The following NELL1 variants were observed in gnomAD, a reference collection of about 807,000 sequenced individuals.
The protein encoded by NELL1 is protein kinase C-binding protein NELL1.
A neutral mutation model predicts 107.4 loss-of-function variants in NELL1; 76 were observed. The ratio of observed to expected loss-of-function variants is 0.71; its 90% CI spans 0.59 to 0.86. The LOEUF (loss-of-function observed/expected upper bound fraction) is 0.86, where lower values mean the gene tolerates loss of function less well. Ranked by LOEUF, NELL1 falls within the 40% of genes least tolerant of loss-of-function variation. The probability of loss-of-function intolerance (pLI) is 0.00; values close to 1 mark genes in which losing one functional copy is unlikely to be tolerated. For missense variants in NELL1, 1,024 were observed against 1,005.5 expected, an observed-to-expected ratio of 1.02 and a Z score of -0.25; for synonymous variants, 353 against 341.2, an observed-to-expected ratio of 1.03 and a Z score of -0.38.
intron 12 of NELL1, among the ~76,000 whole-genome samples, chr11:21,019,652 A>G (rs185984368): frequency 6.3e-4 from 96 of 152,152 alleles, no homozygotes; most frequent in African/African-American, 2.3e-3. Flanking sequence ...TGAACATTCT[A>G]CAAGCACAAG....
At chr11:20,842,772 C>G (rs2134051558) in intron 3 of NELL1, among the ~76,000 whole-genome samples, 1 of 152,254 alleles carries the variant, frequency 6.6e-6, no homozygotes, top group South Asian at 2.1e-4. Flanking sequence ...TATTTGCAGA[C>G]TAGTGCCTGG....
intron 14 of NELL1, among the ~76,000 whole-genome samples, chr11:21,333,775 C>T (rs1850323552): frequency 6.6e-6 from 1 of 151,932 alleles, no homozygotes; most frequent in South Asian, 2.1e-4. Context: ...GACTGCTGTC[C>T]CTGGCTTATC....
chr11:21,494,037 G>A (rs7116826), intron 15 of NELL1, among the ~76,000 whole-genome samples: 126,019 of 151,872 alleles, frequency 0.83, 52,616 homozygotes, highest in East Asian at 0.98. Flanking sequence ...CAGTGTTTCT[G>A]TAGCTAAGCA....
At position 20,765,908 on chromosome 11, in the gene NELL1, C is replaced by T. The variant is rs148687518; in HGVS notation, c.185-17772C>T. On this transcript the variant is annotated intron_variant, in intron 2 of 19. Transcript: ENST00000357134. ...TGTTAAGTATATTCATGGTGTATAACAGCTCTCCAGAACTTTTTTATTTTG... is the reference window on the plus strand; with the variant it reads ...TGTTAAGTATATTCATGGTGTATAATAGCTCTCCAGAACTTTTTTATTTTG... 1.9e-3 allele frequency among the ~76,000 whole-genome samples: 291 copies of T among 152,332 alleles called. 1 individual carries two copies. The highest frequency in any genetic ancestry group is 6.7e-3 in the African/African-American group (280 of 41,578).
intron 12 of NELL1, among the ~76,000 whole-genome samples, chr11:21,057,843 T>A (rs1409249178): frequency 6.6e-6 from 1 of 152,078 alleles, no homozygotes; most frequent in Non-Finnish European, 1.5e-5. Context: ...ATAAATTAGT[T>A]TTATGCTAGG....
chr11:21,115,178 T>A (rs1855202652), intron 13 of NELL1, among the ~76,000 whole-genome samples: 1 of 152,020 alleles, frequency 6.6e-6, no homozygotes. Context: ...ATGGAAAATG[T>A]GTTATCTTAA....
Position 20,715,910 on chromosome 11 carries a change from T to G in NELL1, c.184+37850T>G, listed in dbSNP as rs145292516. The stretch of plus-strand genomic sequence containing the variant: ...TCTTGAGAAAGCATTGTAGGAGAAT[T>G]AGATCTGTATTGACTACACTGTCTT... On this transcript the variant is annotated intron_variant, in intron 2 of 19. Transcript: ENST00000357134. 8.8e-3 allele frequency among the ~76,000 whole-genome samples: 1,335 copies of G among 152,360 alleles called. 16 individuals carry two copies. Among genetic ancestry groups the G allele is most frequent in the African/African-American group, 0.03 (1,265 of 41,582 alleles).
intron 2 of NELL1, among the ~76,000 whole-genome samples, chr11:20,764,608 G>T (rs568551618): frequency 7.3e-6 from 1 of 137,146 alleles, no homozygotes; most frequent in East Asian, 2.1e-4. Flanking sequence ...CTACACCCCA[G>T]ACCTTTTTTT....
At chr11:21,070,034 A>G (rs1285169360) in intron 12 of NELL1, among the ~76,000 whole-genome samples, 1 of 152,178 alleles carries the variant, frequency 6.6e-6, no homozygotes, top group Non-Finnish European at 1.5e-5. Context: ...GTGATAACGT[A>G]TATTGGAGGG....
At chr11:21,088,674 G>T (rs1466992135) in intron 12 of NELL1, among the ~76,000 whole-genome samples, 1 of 152,082 alleles carries the variant, frequency 6.6e-6, no homozygotes, top group African/African-American at 2.4e-5. Flanking sequence ...GAAAGTATTA[G>T]TTTCTTACCA....
intron 15 of NELL1, among the ~76,000 whole-genome samples, chr11:21,526,012 C>T (rs1855844666): frequency 6.6e-6 from 1 of 152,196 alleles, no homozygotes; most frequent in Non-Finnish European, 1.5e-5. Flanking sequence ...TAACTCATTT[C>T]AGCATTAACT....
chr11:21,339,105 A>G (rs1850504328), intron 14 of NELL1, among the ~76,000 whole-genome samples: 1 of 152,204 alleles, frequency 6.6e-6, no homozygotes, highest in Non-Finnish European at 1.5e-5. Context: ...CCTCAAAAAT[A>G]TTGTCAAAGT....
At chr11:21,006,042 G>C (rs1468717160) in intron 12 of NELL1, among the ~76,000 whole-genome samples, 1 of 151,842 alleles carries the variant, frequency 6.6e-6, no homozygotes, top group Non-Finnish European at 1.5e-5. Flanking sequence ...AGATTTGGGG[G>C]GGGGAGTGGG....
chr11:20,820,634 G>A (rs1011033823), intron 3 of NELL1, among the ~76,000 whole-genome samples: 1 of 152,078 alleles, frequency 6.6e-6, no homozygotes, highest in African/African-American at 2.4e-5. Context: ...ACTGAGCTCA[G>A]CCACAGTGGC....
chr11:21,211,193 A>T (rs1857489357), intron 13 of NELL1, among the ~76,000 whole-genome samples: 1 of 152,200 alleles, frequency 6.6e-6, no homozygotes, highest in Non-Finnish European at 1.5e-5. Context: ...TTACAGGGGA[A>T]ATTGCCTCAC....
chr11:21,344,449 C>G (rs1026327968), intron 14 of NELL1, among the ~76,000 whole-genome samples: 1 of 152,086 alleles, frequency 6.6e-6, no homozygotes, highest in Admixed American at 6.6e-5. Context: ...TAAACCCAGA[C>G]AGCAAACTCA....
chr11:20,733,422 A>G (rs7116390), intron 2 of NELL1, among the ~76,000 whole-genome samples: 18,316 of 152,248 alleles, frequency 0.12, 1,191 homozygotes, highest in Non-Finnish European at 0.15. Flanking sequence ...GTCTGAGCTC[A>G]AGCTGGACCA....
At chr11:21,564,750 T>C (rs34924131) in intron 17 of NELL1, among the ~76,000 whole-genome samples, 1 of 151,838 alleles carries the variant, frequency 6.6e-6, no homozygotes, top group Non-Finnish European at 1.5e-5. Flanking sequence ...GTATTTATGG[T>C]ATAACAGTAT....
intron 14 of NELL1, among the ~76,000 whole-genome samples, chr11:21,231,559 A>G (rs1360330437): frequency 1.3e-5 from 2 of 152,216 alleles, no homozygotes; most frequent in East Asian, 3.9e-4. Context: ...GGAGCAACAT[A>G]GGGATTTTAA....
Sources: gnomAD v4.1 joint callset for allele counts (sites outside exome capture counted in the v4.1 genomes callset) on GRCh38, gnomAD v4.1.1 for gene constraint, MANE v1.5 for transcripts, NCBI Gene and HGNC (gene_info 2026-07-23, HGNC 2026-07-21) for gene names.